The following THAP6 variants were observed in gnomAD, a reference collection of about 807,000 sequenced individuals.
THAP6 encodes the protein THAP domain-containing protein 6.
A neutral mutation model predicts 20.0 loss-of-function variants in THAP6; 13 were observed. That is an observed-to-expected ratio of 0.65 (90% CI 0.42 to 1.03). The LOEUF is 1.03. Among genes scored for constraint, THAP6 ranks in the 50% least tolerant of loss-of-function variants. THAP6 has a pLI of 0.00. For missense variants in THAP6, 262 were observed against 261.6 expected (o/e 1.00, Z -0.01); for synonymous variants, 93 against 92.2 (o/e 1.01, Z -0.05).
chr4:75,523,820 A>AT (rs1726193425), intron 4 of THAP6, among the ~76,000 whole-genome samples: 1 of 151,212 alleles, frequency 6.6e-6, no homozygotes, highest in African/African-American at 2.4e-5. Flanking sequence ...AAAAAAAAAA[A>AT]AGAAAAGAAA....
At chr4:75,515,311 G>C in intron 1 of THAP6, 122 bp from the exon 2 acceptor site, 1 of 832,984 alleles carries the variant, frequency 1.2e-6, no homozygotes, top group Admixed American at 2.2e-5. Context: ...GCAGGTGTTA[G>C]AAGAAGATAT....
rs1179632343 is a variant in THAP6 at position 75,527,906 on chromosome 4, A to T, written c.*692A>T. ...GAATAGCTTTAAAAAGACAAAAAGG[A>T]TCGTAGATCTGATTTTTAAATGGTT... On this transcript the variant is annotated 3_prime_UTR_variant, in exon 5 of 5. Coordinates refer to ENST00000311638, the MANE Select transcript of THAP6 (RefSeq NM_144721.6). The T allele has an allele frequency of 1.1e-5, 11 of 985,322 alleles. No individual in the cohort carries two copies. Among genetic ancestry groups the T allele is most frequent in the Non-Finnish European group, 1.3e-5 (11 of 829,940 alleles). 61.0% of individuals were successfully genotyped at this position (985,322 alleles called of 1,614,324 possible).
chr4:75,521,969 T>A, intron 4 of THAP6, 108 bp downstream of exon 4: 1 of 1,330,710 alleles, frequency 7.5e-7, no homozygotes, highest in Non-Finnish European at 1.1e-6. Flanking sequence ...GGTTAATATG[T>A]AATATCTACA....
At chr4:75,546,159 G>A (rs2148835615) in intron 3 of THAP6, among the ~76,000 whole-genome samples, 1 of 152,278 alleles carries the variant, frequency 6.6e-6, no homozygotes, top group East Asian at 1.9e-4. Context: ...TGAGCTCTCT[G>A]AAATTCCAAA....
At position 75,527,332 on chromosome 4, in the gene THAP6, C is replaced by A; in HGVS notation, c.*118C>A. The A allele has an allele frequency of 6.7e-7, 1 of 1,495,630 alleles. No individual in the cohort carries two copies. Among genetic ancestry groups the A allele is most frequent in the Admixed American group, 2.4e-5 (1 of 42,114 alleles). 92.6% of individuals were successfully genotyped at this position (1,495,630 alleles called of 1,614,324 possible). On this transcript the variant is annotated 3_prime_UTR_variant, in exon 5 of 5. Coordinates refer to ENST00000311638, the MANE Select transcript of THAP6 (RefSeq NM_144721.6). The stretch of plus-strand genomic sequence containing the variant: ...AAGTGCTGCTTTGGATTCTCTGGAG[C>A]ATTATGCATTATAGTTGTTATCCAA...
At chr4:75,525,980 G>A (rs533118955) in intron 4 of THAP6, among the ~76,000 whole-genome samples, 3 of 152,286 alleles carry the variant, frequency 2.0e-5, no homozygotes, top group African/African-American at 7.2e-5. Flanking sequence ...AAGATCTTGA[G>A]TTTTTTCTGT....
chr4:75,514,294 A>G (rs1560536598), upstream of THAP6: 1 of 1,606,058 alleles, frequency 6.2e-7, no homozygotes, highest in Non-Finnish European at 8.5e-7. Context: ...CATCTCCTCC[A>G]CCTCCCCTCA....
intron 2 of THAP6, chr4:75,542,386 T>C (rs1165820550): frequency 2.9e-6 from 2 of 700,586 alleles, no homozygotes; most frequent in Non-Finnish European, 5.2e-6. Context: ...AATCCTCGTA[T>C]TTCTGCCTGT....
intron 3 of THAP6, among the ~76,000 whole-genome samples, chr4:75,547,183 A>AC (rs1727144365): frequency 6.6e-6 from 1 of 152,204 alleles, no homozygotes; most frequent in Non-Finnish European, 1.5e-5. Context: ...CATGCCTTTC[A>AC]CAACTATTTG....
chr4:75,545,809 C>T (rs531535276), intron 3 of THAP6, among the ~76,000 whole-genome samples: 31 of 152,350 alleles, frequency 2.0e-4, no homozygotes, highest in African/African-American at 6.7e-4. Flanking sequence ...ACCTTGGCTT[C>T]CTCAAGGCCC....
rs1726581863 is a variant in THAP6, at chr4:75,529,390, T to C, written c.*2176T>C. Reference sequence around the variant, plus strand: ...CAGTCACTTTTACTACTTGTGTTCATAGTAGACTCAGCACTTCTTTTTCAC... The same window carrying C: ...CAGTCACTTTTACTACTTGTGTTCACAGTAGACTCAGCACTTCTTTTTCAC... On this transcript the variant is annotated 3_prime_UTR_variant, in exon 5 of 5. Coordinates refer to ENST00000311638, the MANE Select transcript of THAP6 (RefSeq NM_144721.6). 2.0e-6 allele frequency: 2 copies of C among 985,308 alleles called. No homozygotes were observed. The highest frequency in any genetic ancestry group is 1.2e-6 in the Non-Finnish European group (1 of 829,946). 61.0% of individuals were successfully genotyped at this position (985,308 alleles called of 1,614,324 possible). A position where few individuals can be genotyped will look rare whatever the true frequency, so the allele number is the denominator to read the frequency against.
intron 3 of THAP6, among the ~76,000 whole-genome samples, chr4:75,519,008 C>G (rs888858573): frequency 6.6e-6 from 1 of 152,156 alleles, no homozygotes; most frequent in Non-Finnish European, 1.5e-5. Flanking sequence ...TCATGTCACT[C>G]CCCTCAGACC....
At chr4:75,545,301 TG>T (rs1560554617) in intron 3 of THAP6, among the ~76,000 whole-genome samples, 2 of 152,284 alleles carry the variant, frequency 1.3e-5, no homozygotes, top group African/African-American at 4.8e-5. Flanking sequence ...CTTGTTGACG[TG>T]GGCATTACTC....
At chr4:75,537,560 C>T (rs931237320) in intron 2 of THAP6, among the ~76,000 whole-genome samples, 3 of 152,090 alleles carry the variant, frequency 2.0e-5, no homozygotes, top group East Asian at 1.9e-4. Flanking sequence ...TCCCCCGCCA[C>T]GTGGAACTGT....
intron 4 of THAP6, among the ~76,000 whole-genome samples, chr4:75,523,109 G>C (rs1726134410): frequency 6.6e-6 from 1 of 152,160 alleles, no homozygotes; most frequent in Non-Finnish European, 1.5e-5. Context: ...GCCAGCATTT[G>C]TTGTTGCCTG....
At position 75,529,200 on chromosome 4, in the gene THAP6, C is replaced by T; in HGVS notation, c.*1986C>T. 1.0e-6 allele frequency: 1 copy of T among 984,356 alleles called. No homozygotes were observed. Among genetic ancestry groups the T allele is most frequent in the Non-Finnish European group, 1.2e-6 (1 of 829,018 alleles). The allele number at this position is 984,356 out of a possible 1,614,324, so 61.0% of individuals were successfully genotyped here. A position where few individuals can be genotyped will look rare whatever the true frequency, so the allele number is the denominator to read the frequency against. On this transcript the variant is annotated 3_prime_UTR_variant, in exon 5 of 5. Coordinates refer to ENST00000311638, the MANE Select transcript of THAP6 (RefSeq NM_144721.6). ...CAATAGAGATTATTTTTCCCTCACC[C>T]TATTTGTGAATATATAAATTAAAGT...
intron 4 of THAP6, among the ~76,000 whole-genome samples, chr4:75,523,873 T>C (rs1726196559): frequency 6.6e-6 from 1 of 152,088 alleles, no homozygotes. Flanking sequence ...CCCAATGTTT[T>C]CTTGTAGTCG....
At chr4:75,525,578 G>T (rs1726313061) in intron 4 of THAP6, among the ~76,000 whole-genome samples, 1 of 151,964 alleles carries the variant, frequency 6.6e-6, no homozygotes, top group South Asian at 2.1e-4. Flanking sequence ...GTCAGTTCCG[G>T]CTTGGTTTCC....
chr4:75,515,326 C>A lies in THAP6; in HGVS notation c.-20-107C>A. 2.9e-6 allele frequency: 3 copies of A among 1,023,490 alleles called. No individual in the cohort carries two copies. The South Asian group carries it at 4.1e-5, about 14-fold the overall frequency. The allele number at this position is 1,023,490 out of a possible 1,614,324, so 63.4% of individuals were successfully genotyped here. ...GCAGGTGTTAGAAGAAGATATTTGT[C>A]TTTAGCTTTCTATCCTGATTTTGTG... is the stretch of plus-strand genomic sequence containing the variant. On this transcript the variant is annotated intron_variant, in intron 1 of 4. Transcript: ENST00000311638.
Sources: allele counts gnomAD v4.1 joint callset (sites outside exome capture counted in the v4.1 genomes callset), GRCh38; gene constraint gnomAD v4.1.1; transcripts MANE v1.5; gene names NCBI Gene and HGNC (gene_info 2026-07-23, HGNC 2026-07-21).